The following TEX101 variants were observed in gnomAD, a reference collection of about 807,000 sequenced individuals.
TEX101 encodes testis expressed 101, also known as testis-expressed protein 101.
In TEX101, 10 loss-of-function variants were observed where a neutral mutation model predicts 18.1. The observed-to-expected ratio is 0.55, with a 90% CI of 0.34 to 0.94. The LOEUF (loss-of-function observed/expected upper bound fraction) is 0.94. TEX101 is among the 40% of genes least tolerant of loss of function. The pLI is 0.02. For missense variants in TEX101, 259 were observed against 298.9 expected (o/e 0.87, Z 0.98); for synonymous variants, 94 against 114.8 (o/e 0.82, Z 1.16).
chr19:43,400,434 T>C (rs1261322257), upstream of TEX101, among the ~76,000 whole-genome samples: 1 of 152,246 alleles, frequency 6.6e-6, no homozygotes, highest in Non-Finnish European at 1.5e-5. Context: ...TTTAAATGCA[T>C]TGGTTTCATA....
intron 2 of TEX101, chr19:43,402,875 T>C (rs1006001613): frequency 4.0e-4 from 61 of 152,276 alleles, no homozygotes; most frequent in African/African-American, 1.4e-3. Flanking sequence ...AGCCACCGCG[T>C]CCAGCCTAAA....
intron 2 of TEX101, among the ~76,000 whole-genome samples, chr19:43,405,897 C>A (rs1227055636): frequency 1.3e-5 from 2 of 151,672 alleles, no homozygotes; most frequent in Admixed American, 6.6e-5. Context: ...CCTGGGGGAC[C>A]CAGCAAGACT....
chr19:43,398,247 A>G (rs1303208980), upstream of TEX101, among the ~76,000 whole-genome samples: 2 of 121,342 alleles, frequency 1.6e-5, no homozygotes, highest in African/African-American at 6.2e-5. Context: ...TAAAATATAT[A>G]ATATATATAA....
At chr19:43,394,775 T>C in the TEX101 span, among the ~76,000 whole-genome samples, 12 of 152,318 alleles carry the variant, frequency 7.9e-5, no homozygotes, top group South Asian at 1.2e-3. Context: ...CGGCCTTACT[T>C]ACATTTATTA....
intron 2 of TEX101, among the ~76,000 whole-genome samples, chr19:43,405,348 C>T (rs1465608034): frequency 2.0e-5 from 3 of 151,814 alleles, no homozygotes; most frequent in Non-Finnish European, 4.4e-5. Context: ...GTGGGTGGAT[C>T]ACCTGAGGTC....
rs540799713 is a variant in TEX101, at chr19:43,403,558, A to G, written c.-283+699A>G. Reference sequence around the variant, plus strand: ...TGTATCAAACCTGCACGTTGTGCACATGTACCCTAGAACTTAAAGTATAAT... The same window carrying G: ...TGTATCAAACCTGCACGTTGTGCACGTGTACCCTAGAACTTAAAGTATAAT... On this transcript the variant is annotated intron_variant, in intron 2 of 7. Transcript: ENST00000602198. 9.6e-4 allele frequency among the ~76,000 whole-genome samples: 146 copies of G among 152,324 alleles called. 1 individual carries two copies. Among genetic ancestry groups the G allele is most frequent in the African/African-American group, 2.3e-3 (96 of 41,568 alleles).
chr19:43,406,384 C>A (rs1970363224), exon 3 of TEX101: 1 of 697,252 alleles, frequency 1.4e-6, no homozygotes, highest in Non-Finnish European at 2.7e-6. Flanking sequence ...GACACCACAG[C>A]CAAGGGACAG....
chr19:43,396,042 G>A, the TEX101 span, among the ~76,000 whole-genome samples: 1 of 152,132 alleles, frequency 6.6e-6, no homozygotes, highest in African/African-American at 2.4e-5. Context: ...TCCACCTTGT[G>A]TAAACTCCCG....
the TEX101 span, among the ~76,000 whole-genome samples, chr19:43,389,329 C>T: frequency 2.1e-4 from 32 of 152,244 alleles, no homozygotes; most frequent in African/African-American, 3.6e-4. Flanking sequence ...CCGTGAAAGA[C>T]TCAGGATCCC....
At chr19:43,393,851 G>C in the TEX101 span, among the ~76,000 whole-genome samples, 7 of 151,578 alleles carry the variant, frequency 4.6e-5, no homozygotes, top group Non-Finnish European at 8.8e-5. Flanking sequence ...GTGCCCAGGA[G>C]CAGGGCTCTT....
intron 1 of TEX101, among the ~76,000 whole-genome samples, chr19:43,401,808 G>A (rs1374981077): frequency 6.6e-6 from 1 of 151,852 alleles, no homozygotes; most frequent in African/African-American, 2.4e-5. Context: ...TTGTGCCATT[G>A]CACTCCAGCC....
chr19:43,399,776 C>T (rs189194675), upstream of TEX101, among the ~76,000 whole-genome samples: 449 of 151,116 alleles, frequency 3.0e-3, 1 homozygote, highest in African/African-American at 1.0e-2. Flanking sequence ...TTTGAAACAG[C>T]CCCTCCAAGT....
exon 3 of TEX101, chr19:43,406,297 G>C (rs1008104485): frequency 3.7e-6 from 2 of 538,424 alleles, no homozygotes; most frequent in Admixed American, 3.6e-5. Flanking sequence ...CCTCTTAAAA[G>C]AGCCAATGCC....
rs963520007 is a variant in TEX101, at chr19:43,414,931, A to G, written c.-147A>G. 5.1e-6 allele frequency: 5 copies of G among 985,330 alleles called. No individual in the cohort carries two copies. The African/African-American group carries it at 5.2e-5, about 10-fold the overall frequency. The allele number at this position is 985,330 out of a possible 1,614,324, so 61.0% of individuals were successfully genotyped here. A position where few individuals can be genotyped will look rare whatever the true frequency, so the allele number is the denominator to read the frequency against. Reference sequence around the variant, plus strand: ...CGGGGAGAAGGCGTTCCGGGCCTCAACTTTGGCGTCGTGAGATTCTTGTGA... The same window carrying G: ...CGGGGAGAAGGCGTTCCGGGCCTCAGCTTTGGCGTCGTGAGATTCTTGTGA... On this transcript the variant is annotated 5_prime_UTR_variant, in exon 1 of 6. Coordinates refer to ENST00000598265, the MANE Select transcript of TEX101 (RefSeq NM_001130011.3).
intron 3 of TEX101, among the ~76,000 whole-genome samples, chr19:43,406,931 G>GTTTTTTTTTTTTT (rs1002990799): frequency 2.6e-5 from 3 of 116,114 alleles, no homozygotes; most frequent in Non-Finnish European, 1.7e-5. Context: ...TTTGTTTTTT[G>GTTTTTTTTTTTTT]TTTTTTTTTT....
the TEX101 span, among the ~76,000 whole-genome samples, chr19:43,392,027 A>G: frequency 6.6e-6 from 1 of 152,202 alleles, no homozygotes; most frequent in Non-Finnish European, 1.5e-5. Context: ...GGACAACATG[A>G]AGCCCCTGGC....
Position 43,404,088 on chromosome 19 carries a change from G to GA in TEX101, c.-283+1240dup, listed in dbSNP as rs1198131129. ...GTGTGGGTTTTTTTTTTTTTTTTTG[G>GA]AAAAAAAAAAAGCTCTACACATGAT... On this transcript the variant is annotated intron_variant, in intron 2 of 7. Coordinates refer to the TEX101 transcript ENST00000602198. Among the ~76,000 whole-genome samples, 433 of 98,690 alleles carry GA rather than the reference G, an allele frequency of 4.4e-3. 1 individual carries two copies. Among genetic ancestry groups the GA allele is most frequent in the African/African-American group, 0.014 (369 of 26,730 alleles). The allele number at this position is 98,690 out of a possible 152,430, so 64.7% of individuals were successfully genotyped here.
In TEX101 at chr19:43,418,180, C is replaced by T. The variant is rs764029274; in HGVS notation, c.533C>T (p.Ser178Leu). The T allele has an allele frequency of 2.7e-5, 44 of 1,614,086 alleles. No homozygotes were observed. In the East Asian group the frequency reaches 4.2e-4, roughly 16 times the overall value. ...KLEITGGGIE[S>L]SVEVKGCTAM... The stretch of plus-strand genomic sequence containing the variant: ...CCTTGTTCTATAGGTGGCATTGAGT[C>T]GTCTGTGGAGGTCAAAGGCTGTACA... Residue 178 changes from serine (S) to leucine (L), a missense_variant, in exon 6 of 6, where the codon TCG becomes TTG. By Grantham distance (145) the Ser-to-Leu change is moderately radical. Coordinates refer to ENST00000598265, the MANE Select transcript of TEX101 (RefSeq NM_001130011.3).
chr19:43,391,143 C>T, the TEX101 span, among the ~76,000 whole-genome samples: 9 of 152,324 alleles, frequency 5.9e-5, no homozygotes, highest in East Asian at 1.3e-3. Flanking sequence ...TATTCATTCA[C>T]GGATGGATGG....
Sources: allele counts gnomAD v4.1 joint callset (sites outside exome capture counted in the v4.1 genomes callset), GRCh38; gene constraint gnomAD v4.1.1; transcripts MANE v1.5; gene names NCBI Gene and HGNC (gene_info 2026-07-23, HGNC 2026-07-21).